IL32: variants seen among roughly 807,000 people sequenced by gnomAD.
IL32 encodes the protein interleukin 32.
Under a neutral mutation model 16.6 loss-of-function variants are expected in IL32, and 30 were observed. The ratio of observed to expected loss-of-function variants is 1.81; its 90% CI spans 1.35 to 2.45. IL32 has a LOEUF of 2.45. Among genes scored for constraint, IL32 ranks in the 30% most tolerant of loss-of-function variants. IL32 has a pLI of 0.00. For missense variants in IL32, 234 were observed against 229.8 expected (o/e 1.02, Z -0.12); for synonymous variants, 70 against 86.1 (o/e 0.81, Z 1.03).
In IL32 at chr16:3,067,201, G is replaced by A. The variant is rs563495819; in HGVS notation, c.16-176G>A. 5.9e-5 allele frequency among the ~76,000 whole-genome samples: 9 copies of A among 152,080 alleles called. 1 individual carries two copies. The South Asian group carries it at 1.7e-3, about 28-fold the overall frequency. On this transcript the variant is annotated intron_variant, in intron 2 of 6. Transcript: ENST00000525643. ...AGTCGTTTCGAGGACAGCCCTGGCCGGTCTTTCCAGGCTGTGAGGGGCTCC... is the reference window on the plus strand; with the variant it reads ...AGTCGTTTCGAGGACAGCCCTGGCCAGTCTTTCCAGGCTGTGAGGGGCTCC...
chr16:3,065,882 G>A, intron 2 of IL32, 56 bp downstream of exon 2: 2 of 1,606,774 alleles, frequency 1.2e-6, no homozygotes, highest in East Asian at 2.2e-5. Context: ...GACCGTAAGG[G>A]TGCGGGTGCC....
At position 3,065,695 on chromosome 16, in the gene IL32, G is replaced by C. The variant is rs1463826038; in HGVS notation, c.-29+8G>C. 1.8e-6 allele frequency: 2 copies of C among 1,123,134 alleles called. No homozygotes were observed. The highest frequency in any genetic ancestry group is 2.7e-6 in the Non-Finnish European group (2 of 733,244). The allele number at this position is 1,123,134 out of a possible 1,614,324, so 69.6% of individuals were successfully genotyped here. A position where few individuals can be genotyped will look rare whatever the true frequency, so the allele number is the denominator to read the frequency against. ...GGAGCTGGGTCATCTCAGGTGGGGA[G>C]TTGGGGTCCCCGAAGGTGAGGACCC... On this transcript the variant is annotated splice_region_variant and intron_variant, in intron 1 of 6. Transcript: ENST00000525643.
rs753306353 is a variant in IL32 at position 3,068,010 on chromosome 16, G to A, written c.141G>A (p.Glu47=). The A allele has an allele frequency of 1.9e-6, 3 of 1,614,092 alleles. No individual in the cohort carries two copies. Among genetic ancestry groups the A allele is most frequent in the South Asian group, 2.2e-5 (2 of 91,086 alleles). Residue 47 remains glutamate (E), a splice_region_variant and synonymous_variant, in exon 5 of 7, where the codon GAG becomes GAA. Coordinates refer to ENST00000525643, the MANE Select transcript of IL32 (RefSeq NM_001376923.1). ...GQVMSSLAEL[E]DDFKEGYLET... ...TGATGTCGAGCCTGGCAGAGCTGGA[G>A]GTGAGCCGTGGCCTCCCCCTCCACC...
At position 3,067,979 on chromosome 16, in the gene IL32, A is replaced by T. The variant is rs968099765; in HGVS notation, c.115-5A>T. The stretch of plus-strand genomic sequence containing the variant: ...GCCTGGAACCGAGTGCTTTGTTCCT[A>T]ACAGGTGATGTCGAGCCTGGCAGAG... On this transcript the variant is annotated splice_polypyrimidine_tract_variant and splice_region_variant and intron_variant, in intron 4 of 6. Coordinates refer to ENST00000525643, the MANE Select transcript of IL32 (RefSeq NM_001376923.1). 9 of 1,614,090 alleles carry T rather than the reference A, an allele frequency of 5.6e-6. No individual in the cohort carries two copies. The highest frequency in any genetic ancestry group is 2.2e-5 in the East Asian group (1 of 44,868).
upstream of IL32, chr16:3,065,485 T>C: frequency 2.1e-6 from 1 of 465,980 alleles, no homozygotes. Flanking sequence ...CAGACCTCTG[T>C]CTCTCTCGGG....
At chr16:3,065,554 A>G, upstream of IL32, 1 of 595,196 alleles carries the variant, frequency 1.7e-6, no homozygotes. Flanking sequence ...TTTTTCACGC[A>G]CTCAGCAAGG....
intron 2 of IL32, among the ~76,000 whole-genome samples, chr16:3,066,217 C>T (rs530152693): frequency 4.5e-4 from 69 of 152,196 alleles, no homozygotes; most frequent in Admixed American, 1.2e-3. Context: ...GGGTTCCCTC[C>T]GACCTCCCAT....
At chr16:3,067,770 C>G (rs1011420925) in intron 4 of IL32, 157 bp downstream of exon 4, 1 of 817,582 alleles carries the variant, frequency 1.2e-6, no homozygotes, top group African/African-American at 1.7e-5. Context: ...AGTGAGTGGG[C>G]GGGTGGGGGA....
intron 6 of IL32, chr16:3,068,479 T>G (rs563059610): frequency 1.5e-4 from 81 of 526,902 alleles, no homozygotes; most frequent in East Asian, 7.5e-4. Context: ...CTGATTTTTT[T>G]TGTGTGTGTT....
intron 2 of IL32, 63 bp from the exon 3 acceptor site, chr16:3,067,298 TGTGTGTGTGTGTATAA>T: frequency 1.4e-6 from 1 of 723,564 alleles, no homozygotes; most frequent in South Asian, 1.7e-5. Context: ...TGTGTGTGTG[TGTGTGTGTGTGTATAA>T]ATTATCCTGG....
In IL32 at chr16:3,067,556, C is replaced by A. The variant is rs1474382960; in HGVS notation, c.57C>A (p.His19Gln). ...DDMKKLKARM[H>Q]QAIERFYDKM... ...GCCAACTCTGCCTCTCTTCACAGCA[C>A]CAGGCCATAGAAAGATTTTATGATA... The change falls in exon 4 of 7, where the codon CAC becomes CAA. Residue 19 changes from histidine to glutamine, a missense_variant and splice_region_variant. This residue lies in a region of IL32 where 137 missense variants were observed against 80.7 expected (regional missense o/e 1.70). Transcript: ENST00000525643. 1 of 1,613,910 alleles carries A rather than the reference C, an allele frequency of 6.2e-7. No individual in the cohort carries two copies. Among genetic ancestry groups the A allele is most frequent in the Non-Finnish European group, 8.5e-7 (1 of 1,179,994 alleles).
intron 2 of IL32, 52 bp from the exon 3 acceptor site, chr16:3,067,325 A>G (rs1956489301): frequency 4.1e-6 from 4 of 977,476 alleles, no homozygotes; most frequent in South Asian, 3.1e-5. Context: ...ATTATCCTGG[A>G]GGAAAGGTTA....
chr16:3,066,920 A>T (rs115103571), intron 2 of IL32, among the ~76,000 whole-genome samples: 2,795 of 146,396 alleles, frequency 0.019, 120 homozygotes, highest in African/African-American at 0.068. Context: ...CGGCCCACGC[A>T]GGCCCTGCTC....
At chr16:3,066,559 C>T (rs79018933) in intron 2 of IL32, among the ~76,000 whole-genome samples, 1,558 of 151,938 alleles carry the variant, frequency 0.01, 7 homozygotes, top group Non-Finnish European at 0.015. Flanking sequence ...AGGCCCTTGA[C>T]GTGGGGGCTC....
intron 2 of IL32, among the ~76,000 whole-genome samples, chr16:3,066,451 G>A (rs1956315820): frequency 6.6e-6 from 1 of 152,236 alleles, no homozygotes; most frequent in African/African-American, 2.4e-5. Flanking sequence ...TGTGCAGACA[G>A]CTGCCCTGCC....
chr16:3,068,316 G>C, intron 6 of IL32, 77 bp downstream of exon 6: 4 of 1,353,416 alleles, frequency 3.0e-6, no homozygotes, highest in Non-Finnish European at 4.1e-6. Context: ...CTTTCTTTTT[G>C]TTTATTTGAG....
chr16:3,068,505 G>A (rs555055788), intron 6 of IL32: 479 of 483,300 alleles, frequency 9.9e-4, no homozygotes, highest in Non-Finnish European at 1.6e-3. Context: ...TAGAGACCAG[G>A]TTTCACCATG....
chr16:3,067,653 C>A, intron 4 of IL32, 40 bp downstream of exon 4: 1 of 1,432,862 alleles, frequency 7.0e-7, no homozygotes, highest in Admixed American at 1.7e-5. Flanking sequence ...CACATGTCCC[C>A]GCCCCCAGGC....
At position 3,069,302 on chromosome 16, in the gene IL32, G is replaced by T. The variant is rs141220342; in HGVS notation, c.514G>T (p.Asp172Tyr). The T allele has an allele frequency of 2.4e-5, 38 of 1,613,746 alleles. No homozygotes were observed. Among genetic ancestry groups the T allele is most frequent in the Admixed American group, 3.3e-5 (2 of 59,936 alleles). ...CCAGTCCTACGGAGCCCCACGGGGG[G>T]ACAAGGAGGAGCTGACACCCCAGAA... is the stretch of plus-strand genomic sequence containing the variant. ...SFQSYGAPRG[D>Y]KEELTPQKCS... Residue 172 changes from aspartate (D) to tyrosine (Y), a missense_variant, in exon 7 of 7, where the codon GAC becomes TAC. Asp to Tyr is a radical substitution (Grantham distance 160, BLOSUM62 -3). Around this residue, in one of 3 missense-constraint regions of IL32, gnomAD observed 53 missense variants for 46.1 expected, o/e 1.15. Transcript: ENST00000525643.
Sources: gnomAD v4.1 joint callset for allele counts (sites outside exome capture counted in the v4.1 genomes callset) on GRCh38, gnomAD v4.1.1 for gene constraint, gnomAD v4.1.1 regional missense constraint, MANE v1.5 for transcripts, NCBI Gene and HGNC (gene_info 2026-07-23, HGNC 2026-07-21) for gene names.